Variants in RAD9B observed in about 807,000 individuals in gnomAD.
RAD9B encodes the protein cell cycle checkpoint control protein RAD9B.
Under a neutral mutation model 48.3 loss-of-function variants are expected in RAD9B, and 41 were observed. That is an observed-to-expected ratio of 0.85 (90% CI 0.66 to 1.10). The LOEUF (loss-of-function observed/expected upper bound fraction) is 1.10, where lower values mean the gene tolerates loss of function less well. Among genes scored for constraint, RAD9B ranks in the 50% least tolerant of loss-of-function variants. RAD9B has a pLI of 0.00. For missense variants in RAD9B, 444 were observed against 485.1 expected, an observed-to-expected ratio of 0.92 and a Z score of 0.80; for synonymous variants, 160 against 157.9, an observed-to-expected ratio of 1.01 and a Z score of -0.10.
intron 9 of RAD9B, 29 bp downstream of exon 9, chr12:110,519,945 C>A: frequency 6.2e-7 from 1 of 1,601,714 alleles, no homozygotes; most frequent in South Asian, 1.1e-5. Flanking sequence ...TTCTTTATTA[C>A]TTGGGACAAG....
Position 110,504,138 on chromosome 12 carries a change from G to GT in RAD9B, c.117+277dup, listed in dbSNP as rs200389242. Among the ~76,000 whole-genome samples, 327 of 139,346 alleles carry GT rather than the reference G, an allele frequency of 2.3e-3. 1 individual carries two copies. Among genetic ancestry groups the GT allele is most frequent in the Middle Eastern group, 7.6e-3 (2 of 262 alleles). 91.4% of individuals were successfully genotyped at this position (139,346 alleles called of 152,430 possible). ...GCAGGAATGTTTGTTGGCCTGCACT[G>GT]TTTTTTTTTTTTTTTAATTTGAAAT... On this transcript the variant is annotated intron_variant, in intron 2 of 10. Coordinates refer to ENST00000409300, the MANE Select transcript of RAD9B (RefSeq NM_001286535.2).
Position 110,530,876 on chromosome 12 carries a change from G to T in RAD9B, c.*223G>T. ...AATCCATTATGCTACTTGTGAGGCA[G>T]AAGAGTTTTCTGTGAAGGAAAAAAG... On this transcript the variant is annotated 3_prime_UTR_variant, in exon 11 of 11. Coordinates refer to ENST00000409300, the MANE Select transcript of RAD9B (RefSeq NM_001286535.2). 7.9e-7 allele frequency: 1 copy of T among 1,272,968 alleles called. No individual in the cohort carries two copies. Among genetic ancestry groups the T allele is most frequent in the Non-Finnish European group, 9.9e-7 (1 of 1,005,370 alleles). The allele number at this position is 1,272,968 out of a possible 1,614,324, so 78.9% of individuals were successfully genotyped here.
intron 4 of RAD9B, among the ~76,000 whole-genome samples, chr12:110,510,885 T>C (rs1000063470): frequency 3.3e-5 from 5 of 151,442 alleles, no homozygotes; most frequent in Non-Finnish European, 5.9e-5. Flanking sequence ...GCCCAGGAGT[T>C]GGAGGTTGCA....
intron 8 of RAD9B, among the ~76,000 whole-genome samples, chr12:110,519,589 C>A (rs2063712716): frequency 6.6e-6 from 1 of 151,968 alleles, no homozygotes; most frequent in Non-Finnish European, 1.5e-5. Flanking sequence ...CACCATCATG[C>A]CCGGCTAATT....
intron 4 of RAD9B, among the ~76,000 whole-genome samples, chr12:110,511,991 C>T (rs564561518): frequency 2.0e-5 from 3 of 151,884 alleles, no homozygotes; most frequent in Admixed American, 2.0e-4. Context: ...GGATTACAGG[C>T]GCATGCCACC....
chr12:110,511,742 A>G (rs1480323619), intron 4 of RAD9B, among the ~76,000 whole-genome samples: 1 of 152,256 alleles, frequency 6.6e-6, no homozygotes, highest in Non-Finnish European at 1.5e-5. Flanking sequence ...TGTTCTTAAC[A>G]CATAGAAATG....
chr12:110,509,250 A>G (rs1484597816), intron 4 of RAD9B, among the ~76,000 whole-genome samples: 5 of 151,340 alleles, frequency 3.3e-5, no homozygotes, highest in African/African-American at 9.7e-5. Flanking sequence ...TTACAGGCAT[A>G]AGCCACCATG....
chr12:110,527,005 A>G (rs1265290644), intron 10 of RAD9B, among the ~76,000 whole-genome samples: 1 of 152,124 alleles, frequency 6.6e-6, no homozygotes, highest in Non-Finnish European at 1.5e-5. Context: ...CCACAAATTT[A>G]GTGGCTTGAA....
chr12:110,533,051 G>A lies in RAD9B; in HGVS notation c.*2398G>A, dbSNP rs926138305. 6.6e-6 allele frequency among the ~76,000 whole-genome samples: 1 copy of A among 152,144 alleles called. No individual in the cohort carries two copies. Among genetic ancestry groups the A allele is most frequent in the Non-Finnish European group, 1.5e-5 (1 of 68,036 alleles). On this transcript the variant is annotated 3_prime_UTR_variant, in exon 11 of 11. Transcript: ENST00000409300. Reference sequence around the variant, plus strand: ...TTCTATAATTTACATTTAATTGTCCGTCCATTTTGATGAATTTCTGAGGAA... The same window carrying A: ...TTCTATAATTTACATTTAATTGTCCATCCATTTTGATGAATTTCTGAGGAA...
intron 9 of RAD9B, among the ~76,000 whole-genome samples, chr12:110,521,281 TAACCA>T (rs1431630343): frequency 6.6e-6 from 1 of 152,022 alleles, no homozygotes; most frequent in Non-Finnish European, 1.5e-5. Flanking sequence ...GCCTCCTGAG[TAACCA>T]GGACTACAGG....
intron 10 of RAD9B, among the ~76,000 whole-genome samples, chr12:110,523,580 T>A (rs947149959): frequency 1.3e-5 from 2 of 152,232 alleles, no homozygotes; most frequent in African/African-American, 4.8e-5. Flanking sequence ...TGTATGTTAC[T>A]AAGTTGGCCA....
intron 10 of RAD9B, among the ~76,000 whole-genome samples, chr12:110,529,573 A>G (rs1395516794): frequency 6.6e-6 from 1 of 151,968 alleles, no homozygotes; most frequent in Non-Finnish European, 1.5e-5. Flanking sequence ...CCACGTAGCA[A>G]GACCTGGTCT....
At chr12:110,516,070 TAAG>T (rs2063592493) in intron 6 of RAD9B, among the ~76,000 whole-genome samples, 1 of 151,882 alleles carries the variant, frequency 6.6e-6, no homozygotes, top group Non-Finnish European at 1.5e-5. Context: ...TTACAAAACA[TAAG>T]AAAAATAGCC....
At chr12:110,520,105 A>T (rs1330292059) in intron 9 of RAD9B, among the ~76,000 whole-genome samples, 189 bp downstream of exon 9, 6 of 152,200 alleles carry the variant, frequency 3.9e-5, no homozygotes, top group Non-Finnish European at 7.3e-5. Flanking sequence ...CTCGTGTCAG[A>T]TATTTGCTTT....
At position 110,522,288 on chromosome 12, in the gene RAD9B, CAT is replaced by C. The variant is rs747765101; in HGVS notation, c.1005_1006del (p.Ser336CysfsTer19). 6.2e-7 allele frequency: 1 copy of C among 1,613,414 alleles called. No individual in the cohort carries two copies. Among genetic ancestry groups the C allele is most frequent in the Non-Finnish European group, 8.5e-7 (1 of 1,179,720 alleles). ...RLYPKETLTN[I>X]SALENCGSPA... ...TTTATCCTAAGGAGACTCTCACAAA[CAT>C]ATCTGCATTGGAAAACTGTGGCAGC... On this transcript the variant is annotated frameshift_variant, in exon 10 of 11. Transcript: ENST00000409300. LOFTEE classifies it high-confidence loss of function.
At chr12:110,526,659 C>T (rs961828266) in intron 10 of RAD9B, among the ~76,000 whole-genome samples, 2 of 151,638 alleles carry the variant, frequency 1.3e-5, no homozygotes, top group South Asian at 2.1e-4. Context: ...CCTGTAATCC[C>T]AGCACTTTGG....
chr12:110,503,820 G>A lies in RAD9B; in HGVS notation c.61G>A (p.Val21Ile). 6.2e-7 allele frequency: 1 copy of A among 1,607,212 alleles called. No homozygotes were observed. Among genetic ancestry groups the A allele is most frequent in the Non-Finnish European group, 8.5e-7 (1 of 1,176,868 alleles). ...GSQVKVFGKA[V>I]QALSRISDEF... is the part of the protein sequence containing the mutation. The stretch of plus-strand genomic sequence containing the variant: ...TTTCTCCATAGTATTTGGGAAAGCA[G>A]TTCAAGCTCTATCACGAATTAGTGA... Residue 21 changes from valine to isoleucine, a missense_variant, in exon 2 of 11, where the codon GTT (valine) becomes ATT (isoleucine). Val to Ile is a conservative substitution (Grantham distance 29, BLOSUM62 3). Coordinates refer to ENST00000409300, the MANE Select transcript of RAD9B (RefSeq NM_001286535.2).
rs1249878633 is a variant in RAD9B at position 110,526,622 on chromosome 12, C to T, written c.1126-3903C>T. ...TTTAGAGGCAATTGAAACCATGCCTCCAATTGGTCGGGCACGGTGGCTCAT... is the reference window on the plus strand; with the variant it reads ...TTTAGAGGCAATTGAAACCATGCCTTCAATTGGTCGGGCACGGTGGCTCAT... On this transcript the variant is annotated intron_variant, in intron 10 of 10. Transcript: ENST00000409300. 2.6e-5 allele frequency among the ~76,000 whole-genome samples: 4 copies of T among 152,098 alleles called. No individual in the cohort carries two copies. In the East Asian group the frequency reaches 5.8e-4, roughly 22 times the overall value.
At chr12:110,512,679 G>T (rs1200761757) in intron 4 of RAD9B, 100 bp from the exon 5 acceptor site, 1 of 610,382 alleles carries the variant, frequency 1.6e-6, no homozygotes, top group African/African-American at 1.9e-5. Context: ...GATAGTAAAT[G>T]TTACTTTATT....
Sources: allele counts gnomAD v4.1 joint callset (sites outside exome capture counted in the v4.1 genomes callset), GRCh38; gene constraint gnomAD v4.1.1; transcripts MANE v1.5; gene names NCBI Gene and HGNC (gene_info 2026-07-23, HGNC 2026-07-21).